The following RPS6KC1 variants were observed in gnomAD, a reference collection of about 807,000 sequenced individuals.
RPS6KC1 encodes the protein ribosomal protein S6 kinase C1.
A neutral mutation model predicts 103.8 loss-of-function variants in RPS6KC1; 54 were observed. The ratio of observed to expected loss-of-function variants is 0.52; its 90% CI spans 0.42 to 0.65. The LOEUF (loss-of-function observed/expected upper bound fraction) is 0.65. RPS6KC1 is among the 30% of genes least tolerant of loss of function. The pLI is 0.00. For synonymous variants in RPS6KC1, 439 were observed against 438.7 expected (o/e 1.00, Z -0.01); for missense variants, 1,151 against 1,253.8 (o/e 0.92, Z 1.24).
chr1:213,491,733 C>T, the RPS6KC1 span, among the ~76,000 whole-genome samples: 1 of 152,226 alleles, frequency 6.6e-6, no homozygotes, highest in East Asian at 1.9e-4. Flanking sequence ...GGCAGACACA[C>T]CTGAATGTGT....
At chr1:213,684,993 C>T in the RPS6KC1 span, among the ~76,000 whole-genome samples, 1 of 152,188 alleles carries the variant, frequency 6.6e-6, no homozygotes, top group South Asian at 2.1e-4. Context: ...ATTTCTGTCA[C>T]TTGCATCAAA....
the RPS6KC1 span, among the ~76,000 whole-genome samples, chr1:213,560,789 A>T: frequency 6.6e-6 from 1 of 152,140 alleles, no homozygotes; most frequent in Non-Finnish European, 1.5e-5. Flanking sequence ...GCCCAGATGG[A>T]TGTGGCACAT....
At chr1:213,598,765 A>G in the RPS6KC1 span, among the ~76,000 whole-genome samples, 13 of 152,232 alleles carry the variant, frequency 8.5e-5, no homozygotes, top group East Asian at 2.3e-3. Flanking sequence ...TAAAAATACA[A>G]AAATTAGCCA....
chr1:213,169,889 C>G (rs2091335452), intron 7 of RPS6KC1, among the ~76,000 whole-genome samples: 1 of 149,454 alleles, frequency 6.7e-6, no homozygotes, highest in South Asian at 2.1e-4. Flanking sequence ...TCAGGCGATT[C>G]TCCTGCCTCA....
chr1:213,817,239 G>A, the RPS6KC1 span, among the ~76,000 whole-genome samples: 344 of 152,256 alleles, frequency 2.3e-3, 9 homozygotes, highest in East Asian at 0.055. Context: ...CATAGTCATC[G>A]GCTCCCCTCC....
the RPS6KC1 span, among the ~76,000 whole-genome samples, chr1:213,637,266 A>G: frequency 6.6e-6 from 1 of 151,774 alleles, no homozygotes; most frequent in Non-Finnish European, 1.5e-5. Context: ...TACTGGGTGT[A>G]TACCCAAAGG....
chr1:213,325,269 TCCTC>T, the RPS6KC1 span, among the ~76,000 whole-genome samples: 13 of 152,188 alleles, frequency 8.5e-5, no homozygotes, highest in Non-Finnish European at 1.6e-4. Context: ...ATCCGGCCCT[TCCTC>T]TTTCGCTTTC....
chr1:213,794,047 G>C, the RPS6KC1 span, among the ~76,000 whole-genome samples: 1 of 152,186 alleles, frequency 6.6e-6, no homozygotes, highest in African/African-American at 2.4e-5. Flanking sequence ...TTGAAAGAAA[G>C]CTTTTTTACA....
the RPS6KC1 span, among the ~76,000 whole-genome samples, chr1:213,539,998 G>T: frequency 6.6e-6 from 1 of 152,214 alleles, no homozygotes; most frequent in Non-Finnish European, 1.5e-5. Context: ...TGCTTACCAT[G>T]ATCTGAGCCT....
chr1:213,244,888 A>G (rs2094429880), intron 12 of RPS6KC1, among the ~76,000 whole-genome samples: 1 of 152,204 alleles, frequency 6.6e-6, no homozygotes, highest in Admixed American at 6.5e-5. Context: ...TTTGCATAAA[A>G]GAATTGTACT....
the RPS6KC1 span, among the ~76,000 whole-genome samples, chr1:213,473,342 A>G: frequency 6.6e-6 from 1 of 152,220 alleles, no homozygotes; most frequent in Non-Finnish European, 1.5e-5. Flanking sequence ...GTGGACAGGG[A>G]TCTTTTCCAT....
At chr1:213,141,054 G>T (rs1443780416) in intron 6 of RPS6KC1, among the ~76,000 whole-genome samples, 2 of 151,824 alleles carry the variant, frequency 1.3e-5, no homozygotes, top group Admixed American at 1.3e-4. Context: ...CCATCACCAT[G>T]CCTGGCTAAT....
intron 5 of RPS6KC1, among the ~76,000 whole-genome samples, chr1:213,120,864 A>G (rs1285939490): frequency 1.3e-5 from 2 of 152,202 alleles, no homozygotes; most frequent in Non-Finnish European, 2.9e-5. Flanking sequence ...TGAAGTGATC[A>G]TTATTTTTGT....
At chr1:213,424,883 C>T in the RPS6KC1 span, among the ~76,000 whole-genome samples, 1 of 152,186 alleles carries the variant, frequency 6.6e-6, no homozygotes, top group Non-Finnish European at 1.5e-5. Flanking sequence ...TCCGCCAGCA[C>T]CGCTCTTCTT....
At chr1:213,131,396 G>T (rs1411451889) in intron 6 of RPS6KC1, among the ~76,000 whole-genome samples, 4 of 151,406 alleles carry the variant, frequency 2.6e-5, no homozygotes, top group African/African-American at 9.7e-5. Context: ...TTGCTTTGAT[G>T]GAAAGATCAT....
the RPS6KC1 span, among the ~76,000 whole-genome samples, chr1:213,302,507 GA>G: frequency 2.6e-3 from 400 of 151,074 alleles, 2 homozygotes; most frequent in African/African-American, 8.2e-3. Context: ...AAAAAGAAAA[GA>G]AAAAAAAAGA....
chr1:213,854,232 T>G, the RPS6KC1 span, among the ~76,000 whole-genome samples: 1 of 152,232 alleles, frequency 6.6e-6, no homozygotes, highest in East Asian at 1.9e-4. Context: ...AGGAACTGGA[T>G]TCCCCACGAA....
Position 213,129,753 on chromosome 1 carries a change from G to A in RPS6KC1, c.699G>A (p.Lys233=). 4.3e-6 allele frequency: 7 copies of A among 1,614,072 alleles called. No individual in the cohort carries two copies. The highest frequency in any genetic ancestry group is 5.9e-6 in the Non-Finnish European group (7 of 1,179,986). Residue 233 remains lysine (K), a synonymous_variant, in exon 6 of 15, where the codon AAG becomes AAA. Transcript: ENST00000366960. ...TCTTTCCTGGCAGTTTAAAGCCGAA[G>A]CTTGGCAAGAGAGATTATTTGGAGA... ...RSLFPGSLKP[K]LGKRDYLEKA...
At chr1:213,509,411 C>T in the RPS6KC1 span, among the ~76,000 whole-genome samples, 33 of 151,752 alleles carry the variant, frequency 2.2e-4, no homozygotes, top group Non-Finnish European at 4.1e-4. Context: ...ATACTATAAG[C>T]GGAAATTCAT....
Sources: allele counts gnomAD v4.1 joint callset (sites outside exome capture counted in the v4.1 genomes callset), GRCh38; gene constraint gnomAD v4.1.1; transcripts MANE v1.5; gene names NCBI Gene and HGNC (gene_info 2026-07-23, HGNC 2026-07-21).